The following GOLGA8B variants were observed in gnomAD, a reference collection of about 807,000 sequenced individuals.
The protein encoded by GOLGA8B is golgin subfamily A member 8B.
A neutral mutation model predicts 15.6 loss-of-function variants in GOLGA8B; 1 was observed. That is an observed-to-expected ratio of 0.06 (90% confidence interval 0.02 to 0.30). The LOEUF (loss-of-function observed/expected upper bound fraction) is 0.30. Among genes scored for constraint, GOLGA8B ranks in the 10% least tolerant of loss-of-function variants. The probability of loss-of-function intolerance (pLI) is 1.00; values close to 1 mark genes in which losing one functional copy is unlikely to be tolerated. For synonymous variants in GOLGA8B, 9 were observed against 80.3 expected (o/e 0.11, Z 4.75); for missense variants, 17 against 201.3 (o/e 0.08, Z 5.54).
At chr15:34,563,620 A>C (rs565054254) in intron 1 of GOLGA8B, among the ~76,000 whole-genome samples, 13 of 151,858 alleles carry the variant, frequency 8.6e-5, no homozygotes, top group African/African-American at 3.1e-4. Flanking sequence ...ATTCCCATGG[A>C]GCCTCAGGAA....
At chr15:34,563,336 C>G (rs572442611) in intron 1 of GOLGA8B, among the ~76,000 whole-genome samples, 4 of 144,236 alleles carry the variant, frequency 2.8e-5, no homozygotes, top group African/African-American at 9.8e-5. Flanking sequence ...TGTATGTAGG[C>G]TTTTGGTTAA....
At chr15:34,579,950 G>C (rs936581408) in intron 1 of GOLGA8B, among the ~76,000 whole-genome samples, 24 of 152,308 alleles carry the variant, frequency 1.6e-4, no homozygotes, top group African/African-American at 5.5e-4. Context: ...GAGTACTAAG[G>C]AGAAACACAA....
chr15:34,550,724 T>C (rs368220976), intron 4 of GOLGA8B, among the ~76,000 whole-genome samples: 1 of 103,176 alleles, frequency 9.7e-6, no homozygotes, highest in Non-Finnish European at 2.0e-5. Context: ...CTAGGGACAG[T>C]GGCTCATGCC....
Position 34,527,181 on chromosome 15 carries a change from C to T in GOLGA8B, c.*451G>A, listed in dbSNP as rs1888077089. On this transcript the variant is annotated 3_prime_UTR_variant, in exon 24 of 24. Transcript: ENST00000683415. Reference sequence around the variant, plus strand: ...AACCGCATATTGAGCTATGGAAGAGCTCACTGTGATTAAGATGAGATCAAA... The same window carrying T: ...AACCGCATATTGAGCTATGGAAGAGTTCACTGTGATTAAGATGAGATCAAA... 3.3e-6 allele frequency: 1 copy of T among 305,538 alleles called. No homozygotes were observed. Among genetic ancestry groups the T allele is most frequent in the South Asian group, 2.9e-5 (1 of 34,068 alleles). 18.9% of individuals were successfully genotyped at this position (305,538 alleles called of 1,614,324 possible). A position where few individuals can be genotyped will look rare whatever the true frequency, so the allele number is the denominator to read the frequency against.
At chr15:34,564,809 A>C (rs1464210551) in intron 1 of GOLGA8B, among the ~76,000 whole-genome samples, 1 of 144,248 alleles carries the variant, frequency 6.9e-6, no homozygotes, top group Non-Finnish European at 1.6e-5. Flanking sequence ...AGAGGTGGGC[A>C]GAGACCAGAT....
At chr15:34,580,597 G>A (rs1294941653) in intron 1 of GOLGA8B, among the ~76,000 whole-genome samples, 8 of 152,086 alleles carry the variant, frequency 5.3e-5, no homozygotes, top group Non-Finnish European at 8.8e-5. Flanking sequence ...GGCGAGAAGC[G>A]ACAGTGCCCA....
At chr15:34,559,350 A>C (rs1236968900) in intron 1 of GOLGA8B, among the ~76,000 whole-genome samples, 1 of 146,294 alleles carries the variant, frequency 6.8e-6, no homozygotes, top group Non-Finnish European at 1.5e-5. Context: ...AGACGGCACA[A>C]CAGTGTGAAT....
rs1056594409 is a variant in GOLGA8B, at chr15:34,583,523, G to C, written c.-1130C>G. 1 of 151,886 alleles carries C rather than the reference G, an allele frequency of 6.6e-6. No individual in the cohort carries two copies. The highest frequency in any genetic ancestry group is 1.5e-5 in the Non-Finnish European group (1 of 67,954). 9.4% of individuals were successfully genotyped at this position (151,886 alleles called of 1,614,324 possible). On this transcript the variant is annotated 5_prime_UTR_variant, in exon 1 of 24. Coordinates refer to ENST00000683415, the MANE Select transcript of GOLGA8B (RefSeq NM_001023567.5). The stretch of plus-strand genomic sequence containing the variant: ...CAAGGTTCCCCAGCTTACCTGGCCA[G>C]GGCGCGGGGCTGCCCCGGTCCGCCG...
At chr15:34,563,571 T>C (rs1316921889) in intron 1 of GOLGA8B, among the ~76,000 whole-genome samples, 1 of 150,074 alleles carries the variant, frequency 6.7e-6, no homozygotes, top group Non-Finnish European at 1.5e-5. Context: ...TTTTTTTTGG[T>C]AATTGTGTGT....
chr15:34,571,662 C>T (rs953950102), intron 1 of GOLGA8B, among the ~76,000 whole-genome samples: 10 of 148,470 alleles, frequency 6.7e-5, no homozygotes, highest in African/African-American at 2.5e-4. Flanking sequence ...ATCTAAAATA[C>T]ATTTTAGATC....
At chr15:34,574,130 G>A (rs2554777) in intron 1 of GOLGA8B, among the ~76,000 whole-genome samples, 30 of 151,988 alleles carry the variant, frequency 2.0e-4, no homozygotes, top group African/African-American at 5.3e-4. Context: ...CCACTGCCCG[G>A]TGTGTCATGG....
intron 3 of GOLGA8B, chr15:34,552,497 G>T (rs2140337913): frequency 2.2e-5 from 1 of 46,072 alleles, no homozygotes; most frequent in East Asian, 4.7e-4. Context: ...AGCACTTTGG[G>T]AGGCCGAGGT....
In GOLGA8B at chr15:34,532,863, C is replaced by T. The variant is rs768576268; in HGVS notation, c.268G>A (p.Asp90Asn). The T allele has an allele frequency of 3.2e-6, 4 of 1,233,990 alleles. No individual in the cohort carries two copies. In the South Asian group the frequency reaches 4.3e-5, roughly 13 times the overall value. The allele number at this position is 1,233,990 out of a possible 1,614,324, so 76.4% of individuals were successfully genotyped here. The change falls in exon 11 of 24, where the codon GAC (aspartate) becomes AAC (asparagine). Residue 90 changes from aspartate to asparagine, a missense_variant. Coordinates refer to ENST00000683415, the MANE Select transcript of GOLGA8B (RefSeq NM_001023567.5). Reference protein sequence around the residue: ...SRSIKISRLNDTIKSLKQQKK... With the variant: ...SRSIKISRLNNTIKSLKQQKK... Reference sequence around the variant, plus strand: ...ACTCTTACCAAAGATTTGATGGTGTCATTCAGTCGACTGATTTTTATGGAC... The same window carrying T: ...ACTCTTACCAAAGATTTGATGGTGTTATTCAGTCGACTGATTTTTATGGAC...
At position 34,526,126 on chromosome 15, in the gene GOLGA8B, G is replaced by C. The variant is rs1166250751; in HGVS notation, c.*1506C>G. ...ATATGTCCCTGACTGAAACTGAGAG[G>C]TACAAAAACATATTTCACTCTTCGT... On this transcript the variant is annotated 3_prime_UTR_variant, in exon 24 of 24. Coordinates refer to ENST00000683415, the MANE Select transcript of GOLGA8B (RefSeq NM_001023567.5). 8 of 149,756 alleles carry C rather than the reference G, an allele frequency of 5.3e-5. No individual in the cohort carries two copies. The Admixed American group carries it at 5.4e-4, about 10-fold the overall frequency. 9.3% of individuals were successfully genotyped at this position (149,756 alleles called of 1,614,324 possible). A position where few individuals can be genotyped will look rare whatever the true frequency, so the allele number is the denominator to read the frequency against.
intron 1 of GOLGA8B, among the ~76,000 whole-genome samples, chr15:34,579,011 T>C (rs1437587108): frequency 1.3e-5 from 2 of 152,204 alleles, no homozygotes; most frequent in South Asian, 2.1e-4. Flanking sequence ...ATGGAGTCCT[T>C]GCTATCATAA....
Position 34,583,649 on chromosome 15 carries a change from A to C in GOLGA8B, c.-1256T>G, listed in dbSNP as rs566620786. 1 of 152,106 alleles carries C rather than the reference A, an allele frequency of 6.6e-6. No individual in the cohort carries two copies. Among genetic ancestry groups the C allele is most frequent in the African/African-American group, 2.4e-5 (1 of 41,424 alleles). The allele number at this position is 152,106 out of a possible 1,614,324, so 9.4% of individuals were successfully genotyped here. Reference sequence around the variant, plus strand: ...CGACTGCTAATTAGCCCGGAAGCTGAATAGCGGCGGGTACATACCGCAAGC... The same window carrying C: ...CGACTGCTAATTAGCCCGGAAGCTGCATAGCGGCGGGTACATACCGCAAGC... On this transcript the variant is annotated 5_prime_UTR_variant, in exon 1 of 24. The change creates a new upstream start codon in the 5' untranslated region. Transcript: ENST00000683415.
chr15:34,571,442 A>T (rs972784179), intron 1 of GOLGA8B, among the ~76,000 whole-genome samples: 2 of 152,078 alleles, frequency 1.3e-5, no homozygotes, highest in African/African-American at 4.8e-5. Flanking sequence ...TCTTACCAAA[A>T]GCCACCGTAA....
At chr15:34,577,736 G>T (rs929696882) in intron 1 of GOLGA8B, among the ~76,000 whole-genome samples, 1 of 152,122 alleles carries the variant, frequency 6.6e-6, no homozygotes, top group Admixed American at 6.5e-5. Flanking sequence ...TGTGCTGAAG[G>T]TGTGTATCTA....
intron 1 of GOLGA8B, among the ~76,000 whole-genome samples, chr15:34,573,872 C>T (rs1459877437): frequency 6.6e-6 from 1 of 150,434 alleles, no homozygotes; most frequent in Non-Finnish European, 1.5e-5. Context: ...TGCCAGCCAT[C>T]GGACTCCCAG....
Sources: allele counts gnomAD v4.1 joint callset (sites outside exome capture counted in the v4.1 genomes callset), GRCh38; gene constraint gnomAD v4.1.1; transcripts MANE v1.5; gene names NCBI Gene and HGNC (gene_info 2026-07-23, HGNC 2026-07-21).